THAP12: variants seen among roughly 807,000 people sequenced by gnomAD.
The protein encoded by THAP12 is 52 kDa repressor of the inhibitor of the protein kinase.
In THAP12, 20 loss-of-function variants were observed where a neutral mutation model predicts 63.0. That is an observed-to-expected ratio of 0.32 (90% confidence interval 0.22 to 0.46). The LOEUF (loss-of-function observed/expected upper bound fraction) is 0.46. Ranked by LOEUF, THAP12 falls within the 20% of genes least tolerant of loss-of-function variation. The probability of loss-of-function intolerance (pLI) is 1.00; values close to 1 mark genes in which losing one functional copy is unlikely to be tolerated. For missense variants in THAP12, 568 were observed against 908.2 expected, an observed-to-expected ratio of 0.63 and a Z score of 4.81; for synonymous variants, 264 against 328.4, an observed-to-expected ratio of 0.80 and a Z score of 2.12.
chr11:76,371,177 G>A (rs1433815449), intron 1 of THAP12, among the ~76,000 whole-genome samples: 1 of 152,050 alleles, frequency 6.6e-6, no homozygotes, highest in Non-Finnish European at 1.5e-5. Flanking sequence ...CCTTCTCCGT[G>A]CTGCAGAGCA....
intron 4 of THAP12, among the ~76,000 whole-genome samples, chr11:76,354,729 T>A (rs946410224): frequency 1.3e-5 from 2 of 152,204 alleles, no homozygotes; most frequent in African/African-American, 4.8e-5. Context: ...TGTTATCACC[T>A]ACTTATAAAC....
intron 1 of THAP12, among the ~76,000 whole-genome samples, chr11:76,369,563 T>C (rs778630235): frequency 1.3e-5 from 2 of 152,268 alleles, no homozygotes; most frequent in African/African-American, 4.8e-5. Context: ...AACAGTTCCA[T>C]ACACAGAAAT....
At chr11:76,378,234 C>T (rs1398522862) in intron 1 of THAP12, among the ~76,000 whole-genome samples, 1 of 152,128 alleles carries the variant, frequency 6.6e-6, no homozygotes, top group African/African-American at 2.4e-5. Context: ...GCCTGGCCAA[C>T]ATGGCGAAAC....
At chr11:76,364,601 GA>G (rs1274267529) in intron 2 of THAP12, among the ~76,000 whole-genome samples, 1 of 152,146 alleles carries the variant, frequency 6.6e-6, no homozygotes. Context: ...CACAGCAAGA[GA>G]ATCACAGAGG....
At chr11:76,374,201 T>G (rs1346187009) in intron 1 of THAP12, among the ~76,000 whole-genome samples, 2 of 152,234 alleles carry the variant, frequency 1.3e-5, no homozygotes, top group Non-Finnish European at 2.9e-5. Context: ...TCTTCAAGAT[T>G]AGTTGAAATG....
chr11:76,366,318 G>C (rs922382642), intron 1 of THAP12, among the ~76,000 whole-genome samples: 2 of 152,116 alleles, frequency 1.3e-5, no homozygotes, highest in African/African-American at 4.8e-5. Context: ...ACAGCCACAA[G>C]GCTCACAGCT....
At chr11:76,370,853 T>TA (rs1946669504) in intron 1 of THAP12, among the ~76,000 whole-genome samples, 1 of 149,548 alleles carries the variant, frequency 6.7e-6, no homozygotes, top group Non-Finnish European at 1.5e-5. Context: ...AATATATATA[T>TA]ATATGACCAC....
At chr11:76,369,096 T>C (rs1312619696) in intron 1 of THAP12, among the ~76,000 whole-genome samples, 2 of 152,062 alleles carry the variant, frequency 1.3e-5, no homozygotes, top group African/African-American at 4.8e-5. Flanking sequence ...ACAGGCACTT[T>C]ATAATAAAAA....
At chr11:76,374,474 C>T (rs559645028) in intron 1 of THAP12, among the ~76,000 whole-genome samples, 2 of 151,916 alleles carry the variant, frequency 1.3e-5, no homozygotes, top group African/African-American at 4.8e-5. Flanking sequence ...CACAGTGGCA[C>T]ATAAATTTTC....
At chr11:76,377,906 T>C (rs965460049) in intron 1 of THAP12, among the ~76,000 whole-genome samples, 2 of 152,240 alleles carry the variant, frequency 1.3e-5, no homozygotes, top group East Asian at 1.9e-4. Flanking sequence ...AGAAGTCCTT[T>C]GCCTATTTTA....
At chr11:76,357,465 T>A (rs1797832101) in intron 3 of THAP12, 1 of 151,710 alleles carries the variant, frequency 6.6e-6, no homozygotes, top group African/African-American at 2.4e-5. Context: ...GATGACAAAT[T>A]AAGGTACATA....
rs767646044 is a variant in THAP12, at chr11:76,351,784, T to C, written c.1366A>G (p.Asn456Asp). ...LCLDGINSDT[N>D]IRWNNYIAGR... ...GCTATATAGTTATTCCATCTAATAT[T>C]TGTGTCACTATTTATACCATCTAAA... Residue 456 changes from asparagine (N) to aspartate (D), a missense_variant, in exon 5 of 5, where the codon AAT becomes GAT. Asn to Asp is a conservative substitution (Grantham distance 23). Transcript: ENST00000260045. The C allele has an allele frequency of 2.5e-6, 4 of 1,613,176 alleles. No homozygotes were observed. The highest frequency in any genetic ancestry group is 2.2e-5 in the South Asian group (2 of 90,926).
rs372197273 is a variant in THAP12, at chr11:76,351,815, A to C, written c.1335T>G (p.Val445=). Residue 445 remains valine (V), a synonymous_variant, in exon 5 of 5, where the codon GTT becomes GTG. Transcript: ENST00000260045. Reference sequence around the variant, plus strand: ...CACTATTTATACCATCTAAACATAAAACAAGTGCTTGCAGGAGTTCCACTA... The same window carrying C: ...CACTATTTATACCATCTAAACATAACACAAGTGCTTGCAGGAGTTCCACTA... The part of the protein sequence containing the change: ...EILVELLQAL[V]LCLDGINSDT... 1 of 1,606,398 alleles carries C rather than the reference A, an allele frequency of 6.2e-7. No homozygotes were observed. The highest frequency in any genetic ancestry group is 1.3e-5 in the African/African-American group (1 of 74,508).
chr11:76,364,305 T>C, intron 2 of THAP12: 3 of 268,780 alleles, frequency 1.1e-5, no homozygotes, highest in South Asian at 9.4e-5. Context: ...CTCAAATATT[T>C]GTGATTAAAC....
intron 1 of THAP12, among the ~76,000 whole-genome samples, chr11:76,367,553 G>A (rs1371677335): frequency 6.6e-6 from 1 of 152,146 alleles, no homozygotes; most frequent in African/African-American, 2.4e-5. Flanking sequence ...CACCCAAGGA[G>A]CTGAGATTAT....
intron 2 of THAP12, among the ~76,000 whole-genome samples, chr11:76,365,525 A>G (rs1422498900): frequency 6.6e-6 from 1 of 151,980 alleles, no homozygotes; most frequent in African/African-American, 2.4e-5. Flanking sequence ...CTGGGACTAC[A>G]GGCATACGTC....
Position 76,350,526 on chromosome 11 carries a change from A to AT in THAP12, c.*337dup, listed in dbSNP as rs1422590725. The AT allele has an allele frequency of 1.2e-5, 2 of 170,580 alleles. No homozygotes were observed. Among genetic ancestry groups the AT allele is most frequent in the Non-Finnish European group, 2.5e-5 (2 of 80,896 alleles). 10.6% of individuals were successfully genotyped at this position (170,580 alleles called of 1,614,324 possible). On this transcript the variant is annotated 3_prime_UTR_variant, in exon 5 of 5. Transcript: ENST00000260045. ...TTCCTCCCACACCTCTTCAAAATAT[A>AT]TTTCTTCAAAGAATTCATAACACCC...
chr11:76,355,504 C>T, intron 4 of THAP12, 114 bp downstream of exon 4: 2 of 955,390 alleles, frequency 2.1e-6, no homozygotes, highest in East Asian at 5.3e-5. Flanking sequence ...TGAGCACACT[C>T]CTACATTCAT....
chr11:76,379,280 C>G (rs1235103465), intron 1 of THAP12, among the ~76,000 whole-genome samples: 3 of 152,188 alleles, frequency 2.0e-5, no homozygotes, highest in African/African-American at 7.2e-5. Flanking sequence ...TTACAACAGC[C>G]TTTTAACTGG....
Sources: allele counts gnomAD v4.1 joint callset (sites outside exome capture counted in the v4.1 genomes callset), GRCh38; gene constraint gnomAD v4.1.1; transcripts MANE v1.5; gene names NCBI Gene and HGNC (gene_info 2026-07-23, HGNC 2026-07-21).